Variants in CAMK1D observed in about 807,000 individuals in gnomAD.
CAMK1D encodes calcium/calmodulin-dependent protein kinase type 1D.
Under a neutral mutation model 47.7 loss-of-function variants are expected in CAMK1D, and 9 were observed. The ratio of observed to expected loss-of-function variants is 0.19; its 90% CI spans 0.11 to 0.33. The LOEUF (loss-of-function observed/expected upper bound fraction) is 0.33. CAMK1D is among the 10% of genes least tolerant of loss of function. The probability of loss-of-function intolerance (pLI) is 1.00; values close to 1 mark genes in which losing one functional copy is unlikely to be tolerated. For synonymous variants in CAMK1D, 184 were observed against 184.9 expected, an observed-to-expected ratio of 0.99 and a Z score of 0.04; for missense variants, 291 against 488.7, an observed-to-expected ratio of 0.60 and a Z score of 3.81.
chr10:12,797,408 C>T (rs986603173), intron 6 of CAMK1D, among the ~76,000 whole-genome samples: 2 of 151,478 alleles, frequency 1.3e-5, no homozygotes, highest in African/African-American at 2.4e-5. Context: ...TTTTTAGAGA[C>T]GGGGTCTCAC....
chr10:12,440,057 A>G (rs1325635730), intron 1 of CAMK1D, among the ~76,000 whole-genome samples: 1 of 152,174 alleles, frequency 6.6e-6, no homozygotes, highest in East Asian at 1.9e-4. Context: ...ACATGTGGGA[A>G]TTATGGGAAC....
chr10:12,683,069 A>C (rs1465412151), intron 3 of CAMK1D, among the ~76,000 whole-genome samples: 3 of 147,882 alleles, frequency 2.0e-5, no homozygotes, highest in East Asian at 2.0e-4. Context: ...TTACAGGTGC[A>C]TGCCACCTCA....
chr10:12,525,189 A>G (rs892286883), intron 1 of CAMK1D, among the ~76,000 whole-genome samples: 2 of 151,842 alleles, frequency 1.3e-5, no homozygotes, highest in Non-Finnish European at 2.9e-5. Flanking sequence ...TGGCAGTTTG[A>G]TTGTTGTGTG....
chr10:12,601,225 C>G (rs1838294827), intron 2 of CAMK1D, among the ~76,000 whole-genome samples: 1 of 123,398 alleles, frequency 8.1e-6, no homozygotes, highest in South Asian at 2.5e-4. Context: ...GAGATTAAGT[C>G]TTTTTGGTGT....
chr10:12,703,520 C>T (rs1003228913), intron 3 of CAMK1D, among the ~76,000 whole-genome samples: 3 of 152,184 alleles, frequency 2.0e-5, no homozygotes, highest in Non-Finnish European at 4.4e-5. Context: ...GCATAGTTAA[C>T]GGCTCTGTCA....
At chr10:12,416,281 T>A (rs1406387700) in intron 1 of CAMK1D, among the ~76,000 whole-genome samples, 2 of 152,216 alleles carry the variant, frequency 1.3e-5, no homozygotes, top group African/African-American at 4.8e-5. Context: ...TTAGTGTGGA[T>A]TTAACTTTTT....
intron 3 of CAMK1D, among the ~76,000 whole-genome samples, chr10:12,681,625 C>T (rs1271517919): frequency 6.6e-6 from 1 of 152,210 alleles, no homozygotes; most frequent in African/African-American, 2.4e-5. Context: ...TTCATTTATT[C>T]CAAATATTTA....
chr10:12,789,326 C>G (rs919526847), intron 5 of CAMK1D, among the ~76,000 whole-genome samples: 4 of 152,176 alleles, frequency 2.6e-5, no homozygotes, highest in Non-Finnish European at 5.9e-5. Context: ...AAAGATTGGA[C>G]ACCCATGTAA....
At chr10:12,546,489 G>A (rs796184079) in intron 1 of CAMK1D, among the ~76,000 whole-genome samples, 2 of 152,150 alleles carry the variant, frequency 1.3e-5, no homozygotes, top group South Asian at 2.1e-4. Flanking sequence ...AGTCTGGGAA[G>A]GGCCTTTGTG....
chr10:12,349,899 G>A lies in CAMK1D; in HGVS notation c.81G>A (p.Glu27=). ...TCAAGAAGATCTTCGAGTTCAAAGAGACCCTCGGAACGTAAGTGGGGACCG... is the reference window on the plus strand; with the variant it reads ...TCAAGAAGATCTTCGAGTTCAAAGAAACCCTCGGAACGTAAGTGGGGACCG... ...EDIKKIFEFK[E]TLGTGAFSEV... Residue 27 remains glutamate, a synonymous_variant, in exon 1 of 11, where the codon GAG becomes GAA. Coordinates refer to ENST00000619168, the MANE Select transcript of CAMK1D (RefSeq NM_153498.4). 6.5e-7 allele frequency: 1 copy of A among 1,549,858 alleles called. No homozygotes were observed. Among genetic ancestry groups the A allele is most frequent in the Non-Finnish European group, 8.7e-7 (1 of 1,146,294 alleles).
At chr10:12,378,490 T>C (rs1481154438) in intron 1 of CAMK1D, among the ~76,000 whole-genome samples, 1 of 151,824 alleles carries the variant, frequency 6.6e-6, no homozygotes, top group Non-Finnish European at 1.5e-5. Context: ...TGGCCTTGGC[T>C]TCCCAAGGTG....
chr10:12,638,721 G>A (rs1420499724), intron 2 of CAMK1D, among the ~76,000 whole-genome samples: 1 of 152,222 alleles, frequency 6.6e-6, no homozygotes, highest in Admixed American at 6.5e-5. Context: ...CTGCTGCAGG[G>A]CTGGCCGATT....
At chr10:12,616,643 G>A (rs945103785) in intron 2 of CAMK1D, among the ~76,000 whole-genome samples, 25 of 152,038 alleles carry the variant, frequency 1.6e-4, no homozygotes, top group Non-Finnish European at 1.0e-4. Context: ...TCAGCCTCCC[G>A]AGTAGCTGGG....
At chr10:12,774,647 C>T (rs1035933422) in intron 5 of CAMK1D, among the ~76,000 whole-genome samples, 2 of 152,202 alleles carry the variant, frequency 1.3e-5, no homozygotes, top group Non-Finnish European at 2.9e-5. Context: ...TGGACTGATA[C>T]TGATTCGGGG....
chr10:12,496,195 G>C (rs79439488), intron 1 of CAMK1D, among the ~76,000 whole-genome samples: 3,589 of 152,212 alleles, frequency 0.024, 65 homozygotes, highest in Non-Finnish European at 0.037. Context: ...AAATTACCTT[G>C]GTTGCCAATG....
In CAMK1D at chr10:12,665,390, C is replaced by T. The variant is rs561025710; in HGVS notation, c.225-1346C>T. Among the ~76,000 whole-genome samples the T allele has an allele frequency of 9.8e-5, 15 of 152,322 alleles. No homozygotes were observed. The East Asian group carries it at 2.9e-3, about 29-fold the overall frequency. On this transcript the variant is annotated intron_variant, in intron 2 of 10. Coordinates refer to ENST00000619168, the MANE Select transcript of CAMK1D (RefSeq NM_153498.4). The stretch of plus-strand genomic sequence containing the variant: ...ATCACACATTTAGGAAAATGGTTTC[C>T]GTTTTTCCTAACTAAATAAGGTTTC...
intron 1 of CAMK1D, among the ~76,000 whole-genome samples, chr10:12,471,902 G>T (rs1833757568): frequency 6.6e-6 from 1 of 151,952 alleles, no homozygotes; most frequent in African/African-American, 2.4e-5. Context: ...GGGCTTGGTG[G>T]TGCGTACCTG....
chr10:12,671,539 C>A (rs1218904939), intron 3 of CAMK1D, among the ~76,000 whole-genome samples: 1 of 151,908 alleles, frequency 6.6e-6, no homozygotes, highest in African/African-American at 2.4e-5. Flanking sequence ...TTGTATTTTC[C>A]TGATAACTAA....
chr10:12,499,069 C>CTT (rs35158100), intron 1 of CAMK1D, among the ~76,000 whole-genome samples: 51 of 123,076 alleles, frequency 4.1e-4, no homozygotes, highest in African/African-American at 1.1e-3. Flanking sequence ...TAAATTACAG[C>CTT]TTTTTTTTTT....
Sources: gnomAD v4.1 joint callset for allele counts (sites outside exome capture counted in the v4.1 genomes callset) on GRCh38, gnomAD v4.1.1 for gene constraint, MANE v1.5 for transcripts, NCBI Gene and HGNC (gene_info 2026-07-23, HGNC 2026-07-21) for gene names.